Variants in GCAT observed in about 807,000 individuals in gnomAD.
GCAT encodes the protein glycine C-acetyltransferase.
Under a neutral mutation model 39.7 loss-of-function variants are expected in GCAT, and 26 were observed. That is an observed-to-expected ratio of 0.65 (90% confidence interval 0.48 to 0.91). The LOEUF (loss-of-function observed/expected upper bound fraction) is 0.91, where lower values mean the gene tolerates loss of function less well. Ranked by LOEUF, GCAT falls within the 40% of genes least tolerant of loss-of-function variation. The probability of loss-of-function intolerance (pLI) is 0.00; values close to 1 mark genes in which losing one functional copy is unlikely to be tolerated. For missense variants in GCAT, 550 were observed against 576.2 expected (o/e 0.95, Z 0.47); for synonymous variants, 218 against 237.2 (o/e 0.92, Z 0.74).
chr22:37,816,667 C>T lies in GCAT; in HGVS notation c.1209C>T (p.Arg403=), dbSNP rs1922240414. The stretch of plus-strand genomic sequence containing the variant: ...TGCATAGCGAGGAAGACATTGACCG[C>T]TGCGTGGAGGCCTTCGTGGAAGTGG... ...SAVHSEEDID[R]CVEAFVEVGR... is the part of the protein sequence containing the mutation. Residue 403 remains arginine, a synonymous_variant, in exon 9 of 9, where the codon CGC becomes CGT. Coordinates refer to ENST00000248924, the MANE Select transcript of GCAT (RefSeq NM_014291.4). 1 of 1,614,120 alleles carries T rather than the reference C, an allele frequency of 6.2e-7. No individual in the cohort carries two copies. Among genetic ancestry groups the T allele is most frequent in the Non-Finnish European group, 8.5e-7 (1 of 1,180,024 alleles).
rs1347417238 is a variant in GCAT, at chr22:37,815,811, G to T, written c.963G>T (p.Gln321His). Residue 321 changes from glutamine (Q) to histidine (H), a missense_variant, in exon 7 of 9, where the codon CAG becomes CAT. Physicochemically the swap from Gln to His is conservative, Grantham distance 24. Transcript: ENST00000248924. Reference sequence around the variant, plus strand: ...TGATGGGGAGTAACACCATTGTCCAGTCTATGGCTGCCAAGACCCAGAGGT... The same window carrying T: ...TGATGGGGAGTAACACCATTGTCCATTCTATGGCTGCCAAGACCCAGAGGT... Reference protein sequence around the residue: ...DLLMGSNTIVQSMAAKTQRFR... With the variant: ...DLLMGSNTIVHSMAAKTQRFR... The T allele has an allele frequency of 1.9e-6, 3 of 1,614,046 alleles. No homozygotes were observed. The highest frequency in any genetic ancestry group is 2.5e-6 in the Non-Finnish European group (3 of 1,179,988).
At chr22:37,815,083 C>A in intron 4 of GCAT, 43 bp from the exon 5 acceptor site, 1 of 1,603,122 alleles carries the variant, frequency 6.2e-7, no homozygotes, top group Non-Finnish European at 8.5e-7. Context: ...GTGGTTTGGC[C>A]CAACTTGACA....
chr22:37,807,957 A>G lies in GCAT; in HGVS notation c.-11A>G. On this transcript the variant is annotated 5_prime_UTR_variant, in exon 1 of 9. Coordinates refer to ENST00000248924, the MANE Select transcript of GCAT (RefSeq NM_014291.4). ...CCAGGCAGGCAGGCGCGCTCGGGCGAGGTAGGAGCGATGTGGCCTGGGAAC... is the reference window on the plus strand; with the variant it reads ...CCAGGCAGGCAGGCGCGCTCGGGCGGGGTAGGAGCGATGTGGCCTGGGAAC... 1 of 1,514,782 alleles carries G rather than the reference A, an allele frequency of 6.6e-7. No homozygotes were observed. The highest frequency in any genetic ancestry group is 8.8e-7 in the Non-Finnish European group (1 of 1,136,762). 93.8% of individuals were successfully genotyped at this position (1,514,782 alleles called of 1,614,324 possible).
Position 37,815,478 on chromosome 22 carries a change from G to A in GCAT, c.792G>A (p.Gly264=). 6.2e-7 allele frequency: 1 copy of A among 1,608,964 alleles called. No individual in the cohort carries two copies. Among genetic ancestry groups the A allele is most frequent in the Non-Finnish European group, 8.5e-7 (1 of 1,178,112 alleles). ...TCACCATCATCAACTCCACCCTGGG[G>A]AAGGCCCTGGGTGGAGCATCAGGTA... The part of the protein sequence containing the change: ...DQVTIINSTL[G]KALGGASGGY... Residue 264 remains glycine (G), a synonymous_variant, in exon 6 of 9, where the codon GGG becomes GGA. Transcript: ENST00000248924.
chr22:37,811,569 T>TA (rs1921596759), intron 2 of GCAT, among the ~76,000 whole-genome samples: 1 of 151,850 alleles, frequency 6.6e-6, no homozygotes, highest in Non-Finnish European at 1.5e-5. Flanking sequence ...TTCCAAATGT[T>TA]ACAAAATAAA....
At chr22:37,810,433 G>A (rs541172166) in intron 2 of GCAT, among the ~76,000 whole-genome samples, 4 of 151,624 alleles carry the variant, frequency 2.6e-5, no homozygotes, top group African/African-American at 9.7e-5. Context: ...TGTAACCTTC[G>A]CCTACCAGAC....
chr22:37,810,607 C>T (rs1243356066), intron 2 of GCAT, among the ~76,000 whole-genome samples: 4 of 151,424 alleles, frequency 2.6e-5, no homozygotes, highest in Non-Finnish European at 5.9e-5. Flanking sequence ...GCTGCGCCTC[C>T]CAGGTTCACG....
rs1218254538 is a variant in GCAT at position 37,813,537 on chromosome 22, G to A, written c.504G>A (p.Leu168=). ...CCTCCATCATCGACGGCATCCGGCT[G>A]TGCAAGGCCCACAAGTACCGCTATC... ...NHASIIDGIR[L]CKAHKYRYRH... The change falls in exon 4 of 9, where the codon CTG becomes CTA. Residue 168 remains leucine (L), a synonymous_variant. Transcript: ENST00000248924. 1 of 1,613,594 alleles carries A rather than the reference G, an allele frequency of 6.2e-7. No individual in the cohort carries two copies. The highest frequency in any genetic ancestry group is 1.7e-5 in the Admixed American group (1 of 60,004).
chr22:37,811,480 CAAAAA>C (rs59876225), intron 2 of GCAT, among the ~76,000 whole-genome samples: 2 of 46,866 alleles, frequency 4.3e-5, no homozygotes, highest in South Asian at 7.9e-4. Flanking sequence ...GACTCTGTCT[CAAAAA>C]AAAAAAAAAA....
In GCAT at chr22:37,810,123, G is replaced by T. The variant is rs1490310401; in HGVS notation, c.293G>T (p.Gly98Val). 6.2e-7 allele frequency: 1 copy of T among 1,613,942 alleles called. No individual in the cohort carries two copies. The highest frequency in any genetic ancestry group is 1.7e-5 in the Admixed American group (1 of 60,032). The change falls in exon 2 of 9, where the codon GGC becomes GTC. Residue 98 changes from glycine to valine, a missense_variant. By Grantham distance (109) the Gly-to-Val change is moderately radical. This residue lies in a region of GCAT where 154 missense variants were observed against 141.9 expected (regional missense o/e 1.08). Transcript: ENST00000248924. ...CAGGCTCTGGAGGAGTTTGGAGCTG[G>T]CCTCAGCTCTGTCCGCTTTATCTGT... ...GLQALEEFGA[G>V]LSSVRFICGT...
chr22:37,816,126 G>T, intron 7 of GCAT, 74 bp from the exon 8 acceptor site: 2 of 1,556,438 alleles, frequency 1.3e-6, no homozygotes, highest in Non-Finnish European at 1.7e-6. Flanking sequence ...ATAGACCTCG[G>T]GCCTGGTCCC....
At position 37,815,784 on chromosome 22, in the gene GCAT, G is replaced by A; in HGVS notation, c.936G>A (p.Leu312=). ...VVGCASKALD[L]LMGSNTIVQS... ...GCTGCGCCTCCAAGGCCCTAGATCTGCTGATGGGGAGTAACACCATTGTCC... is the reference window on the plus strand; with the variant it reads ...GCTGCGCCTCCAAGGCCCTAGATCTACTGATGGGGAGTAACACCATTGTCC... Residue 312 remains leucine, a synonymous_variant, in exon 7 of 9, where the codon CTG becomes CTA. Coordinates refer to ENST00000248924, the MANE Select transcript of GCAT (RefSeq NM_014291.4). 6.2e-7 allele frequency: 1 copy of A among 1,614,056 alleles called. No individual in the cohort carries two copies. The highest frequency in any genetic ancestry group is 8.5e-7 in the Non-Finnish European group (1 of 1,179,972).
intron 1 of GCAT, among the ~76,000 whole-genome samples, chr22:37,808,620 T>C (rs1213575897): frequency 3.3e-5 from 5 of 151,948 alleles, no homozygotes; most frequent in African/African-American, 1.2e-4. Context: ...AAGCAAGGGG[T>C]CCCAGGGCTG....
rs753716349 is a variant in GCAT at position 37,815,651 on chromosome 22, CCTT to C, written c.815-6_815-4del. 14 of 1,601,002 alleles carry C rather than the reference CCTT, an allele frequency of 8.7e-6. No individual in the cohort carries two copies. The highest frequency in any genetic ancestry group is 2.2e-5 in the South Asian group (2 of 90,762). ...GACCAACCCCTCCCCCCACCTCTTCCCTTCTTCTCAGGGGGCTACACGACAGGG... is the reference window on the plus strand; with the variant it reads ...GACCAACCCCTCCCCCCACCTCTTCCCTTCTCAGGGGGCTACACGACAGGG... On this transcript the variant is annotated splice_polypyrimidine_tract_variant and intron_variant, in intron 6 of 8. Coordinates refer to ENST00000248924, the MANE Select transcript of GCAT (RefSeq NM_014291.4).
At chr22:37,810,255 C>G in intron 2 of GCAT, 98 bp downstream of exon 2, 1 of 863,084 alleles carries the variant, frequency 1.2e-6, no homozygotes, top group South Asian at 1.5e-5. Flanking sequence ...CAGCCACAGC[C>G]CTGGGCCTAC....
chr22:37,810,048 A>G lies in GCAT; in HGVS notation c.218A>G (p.Asn73Ser). 1.2e-6 allele frequency: 2 copies of G among 1,614,088 alleles called. No homozygotes were observed. Among genetic ancestry groups the G allele is most frequent in the Non-Finnish European group, 1.7e-6 (2 of 1,179,932 alleles). Residue 73 changes from asparagine (N) to serine (S), a missense_variant, in exon 2 of 9, where the codon AAC becomes AGC. Coordinates refer to ENST00000248924, the MANE Select transcript of GCAT (RefSeq NM_014291.4). ...TCAGGAATCCTTAACTTCTGTGCCA[A>G]CAACTACCTGGGCCTGAGCAGCCAC... ...VSGGILNFCA[N>S]NYLGLSSHPE... is the part of the protein sequence containing the mutation.
In GCAT at chr22:37,810,054, A is replaced by G. The variant is rs1171763517; in HGVS notation, c.224A>G (p.Tyr75Cys). The change falls in exon 2 of 9, where the codon TAC (tyrosine) becomes TGC (cysteine). Residue 75 changes from tyrosine (Y) to cysteine (C), a missense_variant. Physicochemically the swap from Tyr to Cys is radical, Grantham distance 194. Transcript: ENST00000248924. Reference protein sequence around the residue: ...GGILNFCANNYLGLSSHPEVI... With the variant: ...GGILNFCANNCLGLSSHPEVI... ...ATCCTTAACTTCTGTGCCAACAACT[A>G]CCTGGGCCTGAGCAGCCACCCTGAG... The G allele has an allele frequency of 3.7e-6, 6 of 1,613,918 alleles. No homozygotes were observed. Among genetic ancestry groups the G allele is most frequent in the South Asian group, 3.3e-5 (3 of 91,072 alleles).
chr22:37,815,035 G>A (rs981456843), intron 4 of GCAT, 91 bp from the exon 5 acceptor site: 5 of 1,315,854 alleles, frequency 3.8e-6, no homozygotes, highest in Non-Finnish European at 3.2e-6. Context: ...GCACTGGGCA[G>A]GATGAGCTCT....
chr22:37,808,621 C>T (rs1270309006), intron 1 of GCAT, among the ~76,000 whole-genome samples: 1 of 152,150 alleles, frequency 6.6e-6, no homozygotes, highest in Admixed American at 6.6e-5. Context: ...AGCAAGGGGT[C>T]CCAGGGCTGC....
Sources: gnomAD v4.1 joint callset for allele counts (sites outside exome capture counted in the v4.1 genomes callset) on GRCh38, gnomAD v4.1.1 for gene constraint, gnomAD v4.1.1 regional missense constraint, MANE v1.5 for transcripts, NCBI Gene and HGNC (gene_info 2026-07-23, HGNC 2026-07-21) for gene names.